Variants in PRKCA observed in about 807,000 individuals in gnomAD.
The protein encoded by PRKCA is protein kinase C alpha.
PRKCA carries 27 observed loss-of-function variants against 87.0 expected under a neutral mutation model. The observed-to-expected ratio is 0.31, with a 90% CI of 0.23 to 0.43. The LOEUF (loss-of-function observed/expected upper bound fraction) is 0.43. Among genes scored for constraint, PRKCA ranks in the 20% least tolerant of loss-of-function variants. The pLI is 1.00. For missense variants in PRKCA, 518 were observed against 852.3 expected (o/e 0.61, Z 4.88); for synonymous variants, 329 against 311.1 (o/e 1.06, Z -0.61).
At chr17:66,729,897 TCTC>T (rs1341261145) in intron 8 of PRKCA, among the ~76,000 whole-genome samples, 1 of 146,742 alleles carries the variant, frequency 6.8e-6, no homozygotes, top group African/African-American at 2.5e-5. Context: ...TTCAAGCAAT[TCTC>T]CTGCTTCAGC....
chr17:66,626,207 T>G (rs1317692895), intron 3 of PRKCA, among the ~76,000 whole-genome samples: 1 of 151,640 alleles, frequency 6.6e-6, no homozygotes, highest in Non-Finnish European at 1.5e-5. Context: ...CTTTTCTTTT[T>G]TTTTTTTGAG....
At chr17:66,666,150 C>T (rs1972036673) in intron 5 of PRKCA, among the ~76,000 whole-genome samples, 1 of 152,192 alleles carries the variant, frequency 6.6e-6, no homozygotes, top group African/African-American at 2.4e-5. Flanking sequence ...TCAAATTAAG[C>T]ACCATCACAT....
intron 2 of PRKCA, among the ~76,000 whole-genome samples, chr17:66,443,390 A>G (rs1913871562): frequency 6.6e-6 from 1 of 152,232 alleles, no homozygotes; most frequent in Non-Finnish European, 1.5e-5. Context: ...CTTGGAAACT[A>G]GAGGCTAAGA....
rs1205271820 is a variant in PRKCA at position 66,786,949 on chromosome 17, A to T, written c.1688A>T (p.Lys563Met). The T allele has an allele frequency of 6.2e-7, 1 of 1,613,404 alleles. No individual in the cohort carries two copies. The change falls in exon 15 of 17, where the codon AAG becomes ATG. Residue 563 changes from lysine (K) to methionine (M), a missense_variant. Physicochemically the swap from Lys to Met is moderately conservative, Grantham distance 95. Around this residue, in one of 5 missense-constraint regions of PRKCA, gnomAD observed 159 missense variants for 232.4 expected, o/e 0.68. Coordinates refer to ENST00000413366, the MANE Select transcript of PRKCA (RefSeq NM_002737.3). ...GTTTCCTATCCAAAATCCTTGTCCA[A>T]GGAGGCTGTTTCTGTCTGCAAAGGA... ...HNVSYPKSLS[K>M]EAVSVCKGLM...
In PRKCA at chr17:66,803,499, A is replaced by G. The variant is rs998618633; in HGVS notation, c.1855-374A>G. On this transcript the variant is annotated intron_variant, in intron 16 of 16. Transcript: ENST00000413366. The surrounding 1 kb of genome is among the most constrained non-coding windows in gnomAD (Gnocchi z 4.4). The stretch of plus-strand genomic sequence containing the variant: ...GTAACTGCCTGCAGCCCCAGCCGAC[A>G]TCCTGGCCTTTCAACACGGAGCTGT... Among the ~76,000 whole-genome samples the G allele has an allele frequency of 6.6e-6, 1 of 152,182 alleles. No homozygotes were observed. Among genetic ancestry groups the G allele is most frequent in the Admixed American group, 6.5e-5 (1 of 15,288 alleles).
intron 5 of PRKCA, among the ~76,000 whole-genome samples, chr17:66,674,368 G>A (rs1038842188): frequency 3.3e-5 from 5 of 152,210 alleles, no homozygotes; most frequent in South Asian, 2.1e-4. Flanking sequence ...AGAGATACAC[G>A]TGTTCAGCAG....
intron 2 of PRKCA, among the ~76,000 whole-genome samples, chr17:66,440,326 G>A (rs938137195): frequency 2.0e-5 from 3 of 152,150 alleles, no homozygotes; most frequent in African/African-American, 7.2e-5. Context: ...TGAAGAGTGT[G>A]GTGCCTAACG....
At chr17:66,463,464 C>T (rs1469375004) in intron 2 of PRKCA, among the ~76,000 whole-genome samples, 2 of 151,726 alleles carry the variant, frequency 1.3e-5, no homozygotes, top group African/African-American at 2.4e-5. Context: ...GGCATGATCT[C>T]GGCTCACTGC....
At chr17:66,567,446 G>A (rs1384910249) in intron 3 of PRKCA, among the ~76,000 whole-genome samples, 2 of 152,080 alleles carry the variant, frequency 1.3e-5, no homozygotes, top group Non-Finnish European at 2.9e-5. Context: ...GGGCAATAAG[G>A]CCCTTAAGCA....
chr17:66,552,299 A>G (rs929756790), intron 3 of PRKCA, among the ~76,000 whole-genome samples: 1 of 152,190 alleles, frequency 6.6e-6, no homozygotes, highest in Non-Finnish European at 1.5e-5. Flanking sequence ...CCTGTCTCCA[A>G]AACAAAACAA....
At chr17:66,750,624 C>T (rs1412238233) in intron 13 of PRKCA, among the ~76,000 whole-genome samples, 2 of 152,168 alleles carry the variant, frequency 1.3e-5, no homozygotes, top group African/African-American at 4.8e-5. Context: ...ACAAATGTGG[C>T]CCGCTCCTTT....
At chr17:66,368,831 C>T (rs1476985123) in intron 2 of PRKCA, among the ~76,000 whole-genome samples, 2 of 152,142 alleles carry the variant, frequency 1.3e-5, no homozygotes, top group African/African-American at 4.8e-5. Flanking sequence ...GTTGACCTCT[C>T]AGCTTAGTTG....
chr17:66,421,358 C>T (rs1205848446), intron 2 of PRKCA, among the ~76,000 whole-genome samples: 2 of 151,116 alleles, frequency 1.3e-5, no homozygotes, highest in African/African-American at 4.9e-5. Context: ...AGGGGCAGTC[C>T]CTTTTCCCTT....
At position 66,628,177 on chromosome 17, in the gene PRKCA, G is replaced by T. The variant is rs533227202; in HGVS notation, c.289-13178G>T. On this transcript the variant is annotated intron_variant, in intron 3 of 16. Coordinates refer to ENST00000413366, the MANE Select transcript of PRKCA (RefSeq NM_002737.3). ...ATCAAAAACAGACCTCTGCCTCTCG[G>T]TGGATAGCTTTTGCTTTTAATATTT... Among the ~76,000 whole-genome samples, 100 of 152,234 alleles carry T rather than the reference G, an allele frequency of 6.6e-4. 1 individual carries two copies. In the South Asian group the frequency reaches 0.019, roughly 29 times the overall value.
chr17:66,435,933 A>G (rs989605959), intron 2 of PRKCA, among the ~76,000 whole-genome samples: 1 of 152,160 alleles, frequency 6.6e-6, no homozygotes, highest in Non-Finnish European at 1.5e-5. Flanking sequence ...TAGTGAGGTT[A>G]GGATTGGAGA....
intron 2 of PRKCA, among the ~76,000 whole-genome samples, chr17:66,447,073 C>T (rs969245420): frequency 6.6e-6 from 1 of 152,186 alleles, no homozygotes; most frequent in Non-Finnish European, 1.5e-5. Context: ...GCTTCGATAT[C>T]AAGCCATCAA....
At chr17:66,583,810 T>C (rs553226211) in intron 3 of PRKCA, among the ~76,000 whole-genome samples, 1 of 152,328 alleles carries the variant, frequency 6.6e-6, no homozygotes, top group East Asian at 1.9e-4. Context: ...CTGAAGCTGT[T>C]ACAGTCTGTC....
intron 12 of PRKCA, 89 bp from the exon 13 acceptor site, chr17:66,742,533 G>A: frequency 7.4e-7 from 1 of 1,357,514 alleles, no homozygotes; most frequent in Non-Finnish European, 1.0e-6. Flanking sequence ...GAGCTGACAG[G>A]TATTCAGATA....
chr17:66,709,372 C>CA (rs1567988250), intron 8 of PRKCA, among the ~76,000 whole-genome samples: 1 of 124,188 alleles, frequency 8.1e-6, no homozygotes, highest in Non-Finnish European at 1.6e-5. Context: ...AATGCAGTAA[C>CA]ACAGTCTCAG....
Sources: allele counts gnomAD v4.1 joint callset (sites outside exome capture counted in the v4.1 genomes callset), GRCh38; gene constraint gnomAD v4.1.1; regional missense constraint gnomAD v4.1.1; non-coding constraint Gnocchi (gnomAD v3.1); transcripts MANE v1.5; gene names NCBI Gene and HGNC (gene_info 2026-07-23, HGNC 2026-07-21).